DPP6: variants seen among roughly 807,000 people sequenced by gnomAD.
DPP6 encodes A-type potassium channel modulatory protein DPP6.
A neutral mutation model predicts 122.6 loss-of-function variants in DPP6; 69 were observed. The observed-to-expected ratio is 0.56, with a 90% CI of 0.46 to 0.69. The LOEUF (loss-of-function observed/expected upper bound fraction) is 0.69. Ranked by LOEUF, DPP6 falls within the 30% of genes least tolerant of loss-of-function variation. DPP6 has a pLI of 0.00. For synonymous variants in DPP6, 418 were observed against 433.1 expected (o/e 0.97, Z 0.43); for missense variants, 928 against 1,116.9 (o/e 0.83, Z 2.41).
At chr7:153,772,976 TATATA>T in the DPP6 span, among the ~76,000 whole-genome samples, 1 of 131,444 alleles carries the variant, frequency 7.6e-6, no homozygotes. Flanking sequence ...AGAAAAGACT[TATATA>T]TTATATAATA....
the DPP6 span, among the ~76,000 whole-genome samples, chr7:153,816,785 C>T: frequency 6.6e-6 from 1 of 151,974 alleles, no homozygotes; most frequent in African/African-American, 2.4e-5. Context: ...TAACACCCCT[C>T]TGCATGGAGC....
intron 20 of DPP6, among the ~76,000 whole-genome samples, chr7:154,879,803 G>A (rs916406066): frequency 1.3e-5 from 2 of 152,128 alleles, no homozygotes; most frequent in Admixed American, 1.3e-4. Context: ...TCCTTTGCCT[G>A]GTCACTATGC....
chr7:153,944,861 C>T (rs999373623), intron 1 of DPP6, among the ~76,000 whole-genome samples: 1 of 151,938 alleles, frequency 6.6e-6, no homozygotes, highest in African/African-American at 2.4e-5. Flanking sequence ...AAACTCCTGA[C>T]CTCAGTTTCT....
intron 6 of DPP6, among the ~76,000 whole-genome samples, chr7:154,650,179 G>T (rs1418074724): frequency 6.6e-6 from 1 of 152,112 alleles, no homozygotes; most frequent in Non-Finnish European, 1.5e-5. Flanking sequence ...TAAAAAATTA[G>T]TCGGATATGG....
At chr7:154,108,153 T>C (rs576867994) in intron 1 of DPP6, among the ~76,000 whole-genome samples, 1 of 152,174 alleles carries the variant, frequency 6.6e-6, no homozygotes, top group Non-Finnish European at 1.5e-5. Context: ...CAAAGGATGA[T>C]GCGTTAACTC....
intron 1 of DPP6, among the ~76,000 whole-genome samples, chr7:154,128,239 C>T (rs113498591): frequency 0.44 from 65,498 of 149,602 alleles, 14,977 homozygotes; most frequent in Non-Finnish European, 0.51. Context: ...GCTATTGGAC[C>T]GTACAATTAA....
intron 5 of DPP6, among the ~76,000 whole-genome samples, chr7:154,575,946 A>T (rs1260797110): frequency 6.6e-6 from 1 of 152,082 alleles, no homozygotes; most frequent in Non-Finnish European, 1.5e-5. Flanking sequence ...GAGCATGTGA[A>T]ATATTTATTT....
intron 1 of DPP6, among the ~76,000 whole-genome samples, chr7:154,090,980 G>T (rs1205997259): frequency 6.6e-6 from 1 of 151,102 alleles, no homozygotes; most frequent in Non-Finnish European, 1.5e-5. Flanking sequence ...AATTAGCCAG[G>T]CGTGGTGGCG....
chr7:154,825,408 C>T lies in DPP6; in HGVS notation c.1666+18296C>T, dbSNP rs550640915. ...ACAGCGTTCATAGTAATACATTTCT[C>T]CCACTTCAGCACGCATAAATTGTCT... On this transcript the variant is annotated intron_variant, in intron 16 of 25. Transcript: ENST00000377770. 4.6e-5 allele frequency among the ~76,000 whole-genome samples: 7 copies of T among 152,324 alleles called. No homozygotes were observed. In the South Asian group the frequency reaches 1.5e-3, roughly 32 times the overall value.
chr7:153,808,395 C>CTG, the DPP6 span, among the ~76,000 whole-genome samples: 13 of 147,718 alleles, frequency 8.8e-5, no homozygotes, highest in African/African-American at 3.3e-4. Context: ...GCGTGTGTGC[C>CTG]TGTGTGTGTG....
intron 8 of DPP6, among the ~76,000 whole-genome samples, chr7:154,731,508 G>A (rs1380281823): frequency 6.6e-6 from 1 of 152,214 alleles, no homozygotes; most frequent in African/African-American, 2.4e-5. Context: ...GTTTACTGAA[G>A]CAGTCGCCCA....
chr7:154,775,960 C>T (rs1796533444), intron 10 of DPP6, among the ~76,000 whole-genome samples: 2 of 152,142 alleles, frequency 1.3e-5, no homozygotes, highest in Non-Finnish European at 2.9e-5. Context: ...TGGGGACCCT[C>T]CTTGGCAGGT....
chr7:154,127,631 A>ACACACACACACACACACG (rs1490857492), intron 1 of DPP6, among the ~76,000 whole-genome samples: 4 of 103,700 alleles, frequency 3.9e-5, no homozygotes, highest in African/African-American at 1.8e-4. Context: ...ACACACACAC[A>ACACACACACACACACACG]CAGACACACA....
At chr7:154,752,110 C>T (rs1459083215) in intron 8 of DPP6, among the ~76,000 whole-genome samples, 1 of 152,100 alleles carries the variant, frequency 6.6e-6, no homozygotes, top group Non-Finnish European at 1.5e-5. Flanking sequence ...ATATAGGGGC[C>T]TTGTCTATGT....
intron 1 of DPP6, among the ~76,000 whole-genome samples, chr7:154,017,463 G>A (rs892994848): frequency 6.6e-6 from 1 of 151,998 alleles, no homozygotes; most frequent in Non-Finnish European, 1.5e-5. Context: ...ACTTTGGGAG[G>A]CTGAGGATTG....
At chr7:154,628,722 GC>G (rs1835232740) in intron 5 of DPP6, among the ~76,000 whole-genome samples, 1 of 152,086 alleles carries the variant, frequency 6.6e-6, no homozygotes, top group Non-Finnish European at 1.5e-5. Context: ...TGCCCTGAAT[GC>G]CCACCTGATA....
intron 16 of DPP6, among the ~76,000 whole-genome samples, chr7:154,845,825 A>G (rs1801898783): frequency 6.6e-6 from 1 of 152,268 alleles, no homozygotes; most frequent in Non-Finnish European, 1.5e-5. Flanking sequence ...AACTGTTTCG[A>G]CTTTCAGTGT....
intron 1 of DPP6, among the ~76,000 whole-genome samples, chr7:153,919,359 G>A (rs994626310): frequency 2.0e-5 from 3 of 152,116 alleles, no homozygotes; most frequent in Admixed American, 1.3e-4. Context: ...GCCTGGCTGG[G>A]GACAAGACCA....
chr7:154,670,275 T>C (rs1351777185), intron 7 of DPP6, among the ~76,000 whole-genome samples: 1 of 152,188 alleles, frequency 6.6e-6, no homozygotes, highest in Non-Finnish European at 1.5e-5. Context: ...CTATCAGCTA[T>C]CTTCATGGAT....
Sources: allele counts gnomAD v4.1 joint callset (sites outside exome capture counted in the v4.1 genomes callset), GRCh38; gene constraint gnomAD v4.1.1; transcripts MANE v1.5; gene names NCBI Gene and HGNC (gene_info 2026-07-23, HGNC 2026-07-21).